The following EPB41L2 variants were observed in gnomAD, a reference collection of about 807,000 sequenced individuals.
EPB41L2 encodes the protein erythrocyte membrane protein band 4.1 like 2, also known as band 4.1-like protein 2.
Under a neutral mutation model 113.0 loss-of-function variants are expected in EPB41L2, and 43 were observed. The observed-to-expected ratio is 0.38, with a 90% CI of 0.30 to 0.49. EPB41L2 has a LOEUF of 0.49. Among genes scored for constraint, EPB41L2 ranks in the 20% least tolerant of loss-of-function variants. The pLI, the probability that EPB41L2 is intolerant of heterozygous loss-of-function variation, is 0.95. For synonymous variants in EPB41L2, 442 were observed against 436.7 expected (o/e 1.01, Z -0.15); for missense variants, 1,147 against 1,223.4 (o/e 0.94, Z 0.93).
At chr6:130,884,975 G>A (rs1790476324) in intron 12 of EPB41L2, 121 bp downstream of exon 12, 1 of 1,109,822 alleles carries the variant, frequency 9.0e-7, no homozygotes, top group Non-Finnish European at 1.3e-6. Flanking sequence ...AAACATAAAT[G>A]ACCAGCAGAG....
Position 130,858,044 on chromosome 6 carries a change from A to C in EPB41L2, c.*5+87T>G, listed in dbSNP as rs555601648. 1.4e-4 allele frequency: 141 copies of C among 1,030,220 alleles called. 5 individuals carry two copies. In the South Asian group the frequency reaches 1.7e-3, roughly 12 times the overall value. The allele number at this position is 1,030,220 out of a possible 1,614,324, so 63.8% of individuals were successfully genotyped here. The stretch of plus-strand genomic sequence containing the variant: ...AATGTACTATAGGAAGAAGACACTG[A>C]TATGAACTTTCATTTCACATCCTTT... On this transcript the variant is annotated intron_variant, in intron 19 of 19. Transcript: ENST00000337057.
At chr6:130,849,817 T>G (rs1778240917) in intron 19 of EPB41L2, among the ~76,000 whole-genome samples, 1 of 152,156 alleles carries the variant, frequency 6.6e-6, no homozygotes, top group African/African-American at 2.4e-5. Flanking sequence ...TAGCAAAGCT[T>G]TTTTTTAATG....
At chr6:131,046,240 G>C (rs1795443303) in intron 1 of EPB41L2, among the ~76,000 whole-genome samples, 1 of 151,808 alleles carries the variant, frequency 6.6e-6, no homozygotes, top group Admixed American at 6.6e-5. Context: ...TTAAAGAAAG[G>C]ACACTTTAAA....
chr6:130,960,247 G>GTACT (rs1324786479), intron 1 of EPB41L2, among the ~76,000 whole-genome samples: 1 of 152,132 alleles, frequency 6.6e-6, no homozygotes, highest in African/African-American at 2.4e-5. Flanking sequence ...CCTTGGCCTA[G>GTACT]TACTCAAAGA....
At chr6:130,935,809 C>G (rs1282159216) in intron 3 of EPB41L2, among the ~76,000 whole-genome samples, 1 of 152,146 alleles carries the variant, frequency 6.6e-6, no homozygotes, top group Non-Finnish European at 1.5e-5. Flanking sequence ...AGGGTGTGCC[C>G]ACTTGGAGGA....
intron 3 of EPB41L2, among the ~76,000 whole-genome samples, chr6:130,939,999 C>T (rs866818109): frequency 3.3e-4 from 50 of 152,170 alleles, no homozygotes; most frequent in African/African-American, 1.1e-3. Context: ...TACATATGCA[C>T]ACGTGATTCT....
At chr6:130,904,662 T>C in intron 5 of EPB41L2, 122 bp from the exon 6 acceptor site, 2 of 410,192 alleles carry the variant, frequency 4.9e-6, no homozygotes, top group Non-Finnish European at 8.7e-6. Flanking sequence ...GCATGCAGAA[T>C]TTTTTTATTT....
At chr6:130,909,929 A>G (rs1479478928) in intron 4 of EPB41L2, among the ~76,000 whole-genome samples, 4 of 152,222 alleles carry the variant, frequency 2.6e-5, no homozygotes, top group Non-Finnish European at 4.4e-5. Flanking sequence ...GGAAGAATCA[A>G]TATCGTGAAA....
rs34082234 is a variant in EPB41L2 at position 130,951,312 on chromosome 6, C to CTTTTT, written c.705+3788_705+3792dup. ...AGAAAAAAGATGCTCAGCCTCAGTA[C>CTTTTT]TTTTTTTTTTTTTTTTTTTTTTTTT... On this transcript the variant is annotated intron_variant, in intron 3 of 19. Transcript: ENST00000337057. Among the ~76,000 whole-genome samples the CTTTTT allele has an allele frequency of 5.1e-4, 26 of 50,846 alleles. 4 individuals are homozygous for CTTTTT. The highest frequency in any genetic ancestry group is 7.4e-4 in the Non-Finnish European group (24 of 32,226). The allele number at this position is 50,846 out of a possible 152,430, so 33.4% of individuals were successfully genotyped here.
At chr6:131,008,040 A>C (rs1786001498) in intron 1 of EPB41L2, among the ~76,000 whole-genome samples, 1 of 152,266 alleles carries the variant, frequency 6.6e-6, no homozygotes, top group Non-Finnish European at 1.5e-5. Flanking sequence ...ATGAGCAACA[A>C]GGAGCCAAAT....
chr6:130,950,113 C>T (rs568364374), intron 3 of EPB41L2, among the ~76,000 whole-genome samples: 17 of 152,078 alleles, frequency 1.1e-4, no homozygotes, highest in Non-Finnish European at 2.4e-4. Flanking sequence ...CAAGGGTCAA[C>T]TGTATTTCAA....
intron 1 of EPB41L2, among the ~76,000 whole-genome samples, chr6:130,962,378 C>T (rs1404158010): frequency 6.6e-6 from 1 of 152,102 alleles, no homozygotes; most frequent in African/African-American, 2.4e-5. Context: ...GAGCAGAGTG[C>T]AAGTAAGTCC....
chr6:131,051,705 A>G (rs1021996751), intron 1 of EPB41L2, among the ~76,000 whole-genome samples: 2 of 152,164 alleles, frequency 1.3e-5, no homozygotes. Context: ...AGGTGAGAGA[A>G]AGAGCATCCT....
chr6:130,933,309 A>G (rs1807550199), intron 3 of EPB41L2, among the ~76,000 whole-genome samples: 1 of 152,234 alleles, frequency 6.6e-6, no homozygotes, highest in African/African-American at 2.4e-5. Context: ...CAAGTTTATT[A>G]AACAATAAAA....
At chr6:131,036,497 T>G (rs1793343773) in intron 1 of EPB41L2, among the ~76,000 whole-genome samples, 1 of 152,024 alleles carries the variant, frequency 6.6e-6, no homozygotes, top group South Asian at 2.1e-4. Context: ...AGTAAGAGGA[T>G]GAAAACCAAG....
chr6:131,002,556 C>T (rs1784582910), intron 1 of EPB41L2, among the ~76,000 whole-genome samples: 1 of 152,110 alleles, frequency 6.6e-6, no homozygotes, highest in Admixed American at 6.6e-5. Context: ...AGGAATTCAG[C>T]AAAATGAAGT....
At chr6:130,893,789 C>G (rs1793718274) in intron 10 of EPB41L2, among the ~76,000 whole-genome samples, 1 of 152,090 alleles carries the variant, frequency 6.6e-6, no homozygotes, top group East Asian at 1.9e-4. Flanking sequence ...TTGAGGGGGT[C>G]AGAACGTTCC....
At chr6:130,864,266 T>C (rs1031980946) in intron 17 of EPB41L2, among the ~76,000 whole-genome samples, 1 of 152,268 alleles carries the variant, frequency 6.6e-6, no homozygotes, top group Non-Finnish European at 1.5e-5. Flanking sequence ...TGATGGATTC[T>C]GAGCATACAA....
At chr6:130,991,838 A>T (rs1378311709) in intron 1 of EPB41L2, among the ~76,000 whole-genome samples, 3 of 152,088 alleles carry the variant, frequency 2.0e-5, no homozygotes, top group Admixed American at 6.5e-5. Context: ...AGAAAAATAT[A>T]AAAAAATATT....
Sources: allele counts gnomAD v4.1 joint callset (sites outside exome capture counted in the v4.1 genomes callset), GRCh38; gene constraint gnomAD v4.1.1; transcripts MANE v1.5; gene names NCBI Gene and HGNC (gene_info 2026-07-23, HGNC 2026-07-21).